TMEM132D: variants seen among roughly 807,000 people sequenced by gnomAD.
TMEM132D encodes transmembrane protein 132D, also known as mature OL transmembrane protein.
TMEM132D carries 21 observed loss-of-function variants against 62.3 expected under a neutral mutation model. That is an observed-to-expected ratio of 0.34 (90% CI 0.24 to 0.49). The LOEUF is 0.49. Among genes scored for constraint, TMEM132D ranks in the 20% least tolerant of loss-of-function variants. The pLI, the probability that TMEM132D is intolerant of heterozygous loss-of-function variation, is 0.99. For missense variants in TMEM132D, 1,346 were observed against 1,402.8 expected (o/e 0.96, Z 0.65); for synonymous variants, 621 against 575.6 (o/e 1.08, Z -1.13).
chr12:129,266,350 C>G (rs901910100), intron 4 of TMEM132D, among the ~76,000 whole-genome samples: 1 of 151,684 alleles, frequency 6.6e-6, no homozygotes, highest in Non-Finnish European at 1.5e-5. Flanking sequence ...TTCCTTCTAT[C>G]CCTCTCCTTT....
chr12:129,870,766 T>C (rs945322705), intron 1 of TMEM132D, among the ~76,000 whole-genome samples: 4 of 152,174 alleles, frequency 2.6e-5, no homozygotes, highest in Non-Finnish European at 5.9e-5. Flanking sequence ...CTTGGGTATT[T>C]TGGCTCAGGT....
chr12:129,830,681 G>T (rs1295233795), intron 1 of TMEM132D, among the ~76,000 whole-genome samples: 1 of 152,142 alleles, frequency 6.6e-6, no homozygotes, highest in African/African-American at 2.4e-5. Flanking sequence ...CTGGGGCTGT[G>T]TCACAGGCAC....
chr12:129,333,015 A>G (rs577077096), intron 4 of TMEM132D, among the ~76,000 whole-genome samples: 1 of 152,340 alleles, frequency 6.6e-6, no homozygotes, highest in African/African-American at 2.4e-5. Context: ...TTAATGTTAT[A>G]TGACTTCTAC....
At chr12:129,804,906 C>CA (rs1260720463) in intron 1 of TMEM132D, among the ~76,000 whole-genome samples, 2 of 95,292 alleles carry the variant, frequency 2.1e-5, no homozygotes, top group Non-Finnish European at 4.4e-5. Flanking sequence ...AACAGACAAA[C>CA]AGAGAGCCAA....
At chr12:129,324,699 G>A (rs907341881) in intron 4 of TMEM132D, among the ~76,000 whole-genome samples, 17 of 151,958 alleles carry the variant, frequency 1.1e-4, no homozygotes, top group African/African-American at 3.1e-4. Flanking sequence ...ACATAGTGGC[G>A]GGCACCTGTA....
chr12:129,385,411 G>A (rs114371768), intron 3 of TMEM132D, among the ~76,000 whole-genome samples: 1,858 of 152,004 alleles, frequency 0.012, 32 homozygotes, highest in African/African-American at 0.043. Flanking sequence ...TGGCCCTAAA[G>A]TGCTTCTTAA....
chr12:129,818,598 T>A (rs898265956), intron 1 of TMEM132D, among the ~76,000 whole-genome samples: 1 of 151,444 alleles, frequency 6.6e-6, no homozygotes, highest in Admixed American at 6.6e-5. Context: ...TGTGTTTGTG[T>A]GTGTGTATAT....
At position 129,700,498 on chromosome 12, in the gene TMEM132D, T is replaced by C; in HGVS notation, c.280A>G (p.Asn94Asp). Reference sequence around the variant, plus strand: ...ATGGAGAAAGGCCCGTAGCTGGCATTGAGGACAGGCAGCCTCCTGGATTTG... The same window carrying C: ...ATGGAGAAAGGCCCGTAGCTGGCATCGAGGACAGGCAGCCTCCTGGATTTG... Reference protein sequence around the residue: ...IYKSRRLPVLNASYGPFSIEQ... With the variant: ...IYKSRRLPVLDASYGPFSIEQ... The change falls in exon 2 of 9, where the codon AAT (asparagine) becomes GAT (aspartate). Residue 94 changes from asparagine (N) to aspartate (D), a missense_variant. By Grantham distance (23) the Asn-to-Asp change is conservative (BLOSUM62 1). Transcript: ENST00000422113. The C allele has an allele frequency of 6.2e-7, 1 of 1,614,156 alleles. No individual in the cohort carries two copies. Among genetic ancestry groups the C allele is most frequent in the South Asian group, 1.1e-5 (1 of 91,080 alleles).
intron 3 of TMEM132D, among the ~76,000 whole-genome samples, chr12:129,422,892 G>A (rs1392865676): frequency 6.8e-6 from 1 of 146,734 alleles, no homozygotes; most frequent in African/African-American, 2.5e-5. Flanking sequence ...ATATATATAT[G>A]TATACATATA....
chr12:129,176,040 A>G (rs1214566447), intron 5 of TMEM132D, among the ~76,000 whole-genome samples: 2 of 152,274 alleles, frequency 1.3e-5, no homozygotes, highest in African/African-American at 4.8e-5. Context: ...CACTGGTCAT[A>G]GTTTCCTTTG....
chr12:129,329,656 T>C (rs1194731202), intron 4 of TMEM132D, among the ~76,000 whole-genome samples: 1 of 152,160 alleles, frequency 6.6e-6, no homozygotes, highest in African/African-American at 2.4e-5. Context: ...GGTTACCATC[T>C]CCTCGCAAAT....
chr12:129,656,496 C>T (rs997683914), intron 2 of TMEM132D, among the ~76,000 whole-genome samples: 5 of 152,098 alleles, frequency 3.3e-5, no homozygotes, highest in African/African-American at 7.2e-5. Flanking sequence ...ACACAGAGCT[C>T]GCTGGTTGCA....
intron 2 of TMEM132D, among the ~76,000 whole-genome samples, chr12:129,538,701 T>C (rs953552788): frequency 9.2e-5 from 14 of 152,242 alleles, no homozygotes; most frequent in African/African-American, 3.4e-4. Flanking sequence ...TCAAAATACC[T>C]TCTTGCACTG....
intron 3 of TMEM132D, among the ~76,000 whole-genome samples, chr12:129,417,709 A>T (rs1284090210): frequency 6.6e-6 from 1 of 152,240 alleles, no homozygotes; most frequent in Admixed American, 6.5e-5. Flanking sequence ...AATGGGATCC[A>T]ATCAAACTAA....
chr12:129,822,063 A>G (rs1213246395), intron 1 of TMEM132D, among the ~76,000 whole-genome samples: 1 of 152,228 alleles, frequency 6.6e-6, no homozygotes, highest in African/African-American at 2.4e-5. Context: ...CAGGAAATAA[A>G]TACATCAGAG....
At chr12:129,318,199 G>A (rs748943316) in intron 4 of TMEM132D, among the ~76,000 whole-genome samples, 3 of 152,126 alleles carry the variant, frequency 2.0e-5, no homozygotes, top group East Asian at 1.9e-4. Flanking sequence ...CATGATTTTC[G>A]AAGGGGTATT....
chr12:129,820,757 T>G (rs1392638988), intron 1 of TMEM132D, among the ~76,000 whole-genome samples: 1 of 152,130 alleles, frequency 6.6e-6, no homozygotes, highest in Admixed American at 6.6e-5. Flanking sequence ...AAATTTTATT[T>G]TATTATTTGT....
At chr12:129,669,474 G>C (rs888115319) in intron 2 of TMEM132D, among the ~76,000 whole-genome samples, 1 of 152,164 alleles carries the variant, frequency 6.6e-6, no homozygotes, top group African/African-American at 2.4e-5. Context: ...AGAGGCCGAG[G>C]TGGGCAGATC....
intron 3 of TMEM132D, among the ~76,000 whole-genome samples, chr12:129,427,426 G>C (rs1872531867): frequency 6.7e-6 from 1 of 149,526 alleles, no homozygotes; most frequent in Non-Finnish European, 1.5e-5. Flanking sequence ...GGAGGGGGCA[G>C]GGATAGCATT....
Sources: allele counts gnomAD v4.1 joint callset (sites outside exome capture counted in the v4.1 genomes callset), GRCh38; gene constraint gnomAD v4.1.1; transcripts MANE v1.5; gene names NCBI Gene and HGNC (gene_info 2026-07-23, HGNC 2026-07-21).